The following TRNT1 variants were observed in gnomAD, a reference collection of about 807,000 sequenced individuals.
TRNT1 encodes the protein tRNA nucleotidyl transferase 1, also known as CCA tRNA nucleotidyltransferase 1, mitochondrial.
A neutral mutation model predicts 45.6 loss-of-function variants in TRNT1; 44 were observed. The ratio of observed to expected loss-of-function variants is 0.97; its 90% CI spans 0.76 to 1.24. TRNT1 has a LOEUF of 1.24. TRNT1 is among the 50% of genes most tolerant of loss of function. TRNT1 has a pLI of 0.00. For synonymous variants in TRNT1, 201 were observed against 171.4 expected (o/e 1.17, Z -1.35); for missense variants, 633 against 504.4 (o/e 1.25, Z -2.44).
chr3:3,149,043 T>C (rs1385971123), downstream of TRNT1: 1 of 151,816 alleles, frequency 6.6e-6, no homozygotes, highest in East Asian at 1.9e-4. Context: ...TCAGCTGCTA[T>C]AATTTCAGCT....
At chr3:3,139,716 T>C (rs3846134) in intron 3 of TRNT1, among the ~76,000 whole-genome samples, 27,785 of 152,094 alleles carry the variant, frequency 0.18, 2,788 homozygotes, top group African/African-American at 0.26. Flanking sequence ...TAGAGGTAAC[T>C]CTTTATTTTA....
chr3:3,127,000 C>A lies in TRNT1; in HGVS notation c.-28+10C>A. The stretch of plus-strand genomic sequence containing the variant: ...GGCAACAGCGGGGCCGGTAAGCGGG[C>A]GCGCGCCGCTCAGAGGGGCAGAGTT... On this transcript the variant is annotated intron_variant, in intron 1 of 7. Coordinates refer to ENST00000251607, the MANE Select transcript of TRNT1 (RefSeq NM_182916.3). 1 of 152,926 alleles carries A rather than the reference C, an allele frequency of 6.5e-6. No individual in the cohort carries two copies. Among genetic ancestry groups the A allele is most frequent in the Admixed American group, 6.5e-5 (1 of 15,310 alleles). The allele number at this position is 152,926 out of a possible 1,614,324, so 9.5% of individuals were successfully genotyped here. A position where few individuals can be genotyped will look rare whatever the true frequency, so the allele number is the denominator to read the frequency against.
At chr3:3,132,682 T>TAAAAAAAA (rs34975129) in intron 2 of TRNT1, among the ~76,000 whole-genome samples, 2 of 95,188 alleles carry the variant, frequency 2.1e-5, no homozygotes, top group Non-Finnish European at 4.0e-5. Flanking sequence ...TAGAGTATAA[T>TAAAAAAAA]AAAAAAAAAA....
At chr3:3,141,631 A>G (rs928303953) in intron 4 of TRNT1, among the ~76,000 whole-genome samples, 2 of 152,214 alleles carry the variant, frequency 1.3e-5, no homozygotes, top group Non-Finnish European at 2.9e-5. Flanking sequence ...GTGTTTTGAT[A>G]CATTACTGAT....
At chr3:3,143,281 A>G (rs1351231060) in intron 4 of TRNT1, among the ~76,000 whole-genome samples, 1 of 152,210 alleles carries the variant, frequency 6.6e-6, no homozygotes, top group Non-Finnish European at 1.5e-5. Context: ...TAAAACTAGG[A>G]ATGTCTCAGG....
chr3:3,136,454 T>C (rs928911316), intron 2 of TRNT1, among the ~76,000 whole-genome samples: 1 of 152,182 alleles, frequency 6.6e-6, no homozygotes, highest in Non-Finnish European at 1.5e-5. Flanking sequence ...TAGAATTATA[T>C]ACAGACCATT....
chr3:3,150,535 C>A, downstream of TRNT1: 4 of 192,418 alleles, frequency 2.1e-5, no homozygotes, highest in Non-Finnish European at 3.2e-5. Flanking sequence ...TTTTTTTTAA[C>A]ACAGGAAATA....
intron 3 of TRNT1, among the ~76,000 whole-genome samples, chr3:3,138,989 C>A (rs986004466): frequency 2.0e-5 from 3 of 152,144 alleles, no homozygotes; most frequent in Non-Finnish European, 4.4e-5. Flanking sequence ...TAGGAGAAAT[C>A]AGAGAAGAAT....
downstream of TRNT1, among the ~76,000 whole-genome samples, chr3:3,152,051 G>T (rs1017643009): frequency 1.3e-5 from 2 of 152,098 alleles, no homozygotes; most frequent in Non-Finnish European, 2.9e-5. Flanking sequence ...GAGGACAACT[G>T]CAGTTGTCAA....
chr3:3,137,709 C>T lies in TRNT1; in HGVS notation c.342+256C>T, dbSNP rs767136611. Among the ~76,000 whole-genome samples the T allele has an allele frequency of 1.3e-4, 20 of 150,036 alleles. 1 individual carries two copies. Among genetic ancestry groups the T allele is most frequent in the African/African-American group, 3.0e-4 (12 of 39,996 alleles). ...ACTATCCCAGTTTTAAGATGTGTTA[C>T]GTATTGACTTTCCATAAGGGAAGAT... On this transcript the variant is annotated intron_variant, in intron 3 of 7. Coordinates refer to ENST00000251607, the MANE Select transcript of TRNT1 (RefSeq NM_182916.3).
At chr3:3,137,593 C>G (rs1705406107) in intron 3 of TRNT1, 140 bp downstream of exon 3, 1 of 602,764 alleles carries the variant, frequency 1.7e-6, no homozygotes. Context: ...CCCTGCAGTC[C>G]TCTGTTCTTG....
chr3:3,145,557 G>A (rs185722265), intron 5 of TRNT1: 55 of 149,626 alleles, frequency 3.7e-4, no homozygotes, highest in Admixed American at 3.4e-3. Context: ...AATATGAAAC[G>A]CATGACTAGT....
intron 4 of TRNT1, among the ~76,000 whole-genome samples, chr3:3,142,309 T>C (rs1339428365): frequency 6.6e-6 from 1 of 152,210 alleles, no homozygotes; most frequent in East Asian, 1.9e-4. Flanking sequence ...CCTTATAACA[T>C]GTCAGGCACT....
At position 3,144,590 on chromosome 3, in the gene TRNT1, A is replaced by T. The variant is rs146717589; in HGVS notation, c.488A>T (p.Asp163Val). 50 of 1,578,062 alleles carry T rather than the reference A, an allele frequency of 3.2e-5. No individual in the cohort carries two copies. Among genetic ancestry groups the T allele is most frequent in the Non-Finnish European group, 4.1e-5 (48 of 1,161,428 alleles). ...LTINSMFLGF[D>V]GTLFDYFNGY... Reference sequence around the variant, plus strand: ...CTCCTTTTCTAATGAATAGGTTTTGATGGCACTTTATTTGACTACTTTAAT... The same window carrying T: ...CTCCTTTTCTAATGAATAGGTTTTGTTGGCACTTTATTTGACTACTTTAAT... Residue 163 changes from aspartate to valine, a missense_variant, in exon 5 of 8, where the codon GAT (aspartate) becomes GTT (valine). Coordinates refer to ENST00000251607, the MANE Select transcript of TRNT1 (RefSeq NM_182916.3).
intron 4 of TRNT1, among the ~76,000 whole-genome samples, chr3:3,144,097 G>C (rs1283777332): frequency 6.6e-6 from 1 of 152,106 alleles, no homozygotes; most frequent in Non-Finnish European, 1.5e-5. Flanking sequence ...CATTTTTTAT[G>C]TCATTCAATT....
chr3:3,148,425 C>G lies in TRNT1; in HGVS notation c.*271C>G, dbSNP rs1025255317. ...TGGCTATTATCTATCTTAACCTGTT[C>G]AGGCTTTTAAAAAAAACTGTTTTTG... On this transcript the variant is annotated 3_prime_UTR_variant, in exon 8 of 8. Transcript: ENST00000251607. 2 of 268,204 alleles carry G rather than the reference C, an allele frequency of 7.5e-6. No homozygotes were observed. Among genetic ancestry groups the G allele is most frequent in the African/African-American group, 4.4e-5 (2 of 45,012 alleles). 16.6% of individuals were successfully genotyped at this position (268,204 alleles called of 1,614,324 possible).
rs1456113852 is a variant in TRNT1, at chr3:3,146,560, G to T, written c.739G>T (p.Val247Phe). ...RIWVELKKIL[V>F]GNHVNHLIHL... is the part of the protein sequence containing the mutation. ...TTGGGTGGAACTGAAAAAAATTCTT[G>T]TTGGTAACCATGTAAATCATTTGAT... The change falls in exon 6 of 8, where the codon GTT (valine) becomes TTT (phenylalanine). Residue 247 changes from valine to phenylalanine, a missense_variant. Transcript: ENST00000251607. 3.1e-6 allele frequency: 5 copies of T among 1,613,906 alleles called. No homozygotes were observed. The highest frequency in any genetic ancestry group is 4.2e-6 in the Non-Finnish European group (5 of 1,179,916).
chr3:3,150,687 G>C, downstream of TRNT1: 1 of 616,976 alleles, frequency 1.6e-6, no homozygotes, highest in South Asian at 2.0e-5. Flanking sequence ...GTTTCCTAAA[G>C]TATACTTAAA....
At chr3:3,140,951 G>A (rs1018394619) in intron 4 of TRNT1, among the ~76,000 whole-genome samples, 4 of 152,148 alleles carry the variant, frequency 2.6e-5, no homozygotes, top group Non-Finnish European at 4.4e-5. Flanking sequence ...GCGTGGTGGC[G>A]GCTGCCTGTA....
Sources: allele counts gnomAD v4.1 joint callset (sites outside exome capture counted in the v4.1 genomes callset), GRCh38; gene constraint gnomAD v4.1.1; transcripts MANE v1.5; gene names NCBI Gene and HGNC (gene_info 2026-07-23, HGNC 2026-07-21).